The following CRIM1 variants were observed in gnomAD, a reference collection of about 807,000 sequenced individuals.
CRIM1 encodes the protein cysteine rich transmembrane BMP regulator 1.
In CRIM1, 32 loss-of-function variants were observed where a neutral mutation model predicts 116.4. The ratio of observed to expected loss-of-function variants is 0.27; its 90% CI spans 0.21 to 0.37. The LOEUF (loss-of-function observed/expected upper bound fraction) is 0.37. CRIM1 is among the 10% of genes least tolerant of loss of function. The probability of loss-of-function intolerance (pLI) is 1.00; values close to 1 mark genes in which losing one functional copy is unlikely to be tolerated. For missense variants in CRIM1, 1,331 were observed against 1,354.8 expected (o/e 0.98, Z 0.28); for synonymous variants, 590 against 509.2 (o/e 1.16, Z -2.13).
chr2:36,446,694 T>A (rs1366286418), intron 4 of CRIM1, among the ~76,000 whole-genome samples: 11 of 152,240 alleles, frequency 7.2e-5, no homozygotes, highest in Non-Finnish European at 1.5e-4. Context: ...TTTATCCTTT[T>A]TTCTTCTGTT....
rs1374492397 is a variant in CRIM1 at position 36,513,788 on chromosome 2, G to A, written c.1990+23G>A. ...CAGGTAAAAGCTGGCTGCCATCTGT[G>A]TGCTCCATAAGCAAATGACTTCTGC... On this transcript the variant is annotated intron_variant, in intron 11 of 16. Coordinates refer to ENST00000280527, the MANE Select transcript of CRIM1 (RefSeq NM_016441.3). 1.9e-6 allele frequency: 3 copies of A among 1,606,680 alleles called. No homozygotes were observed. The East Asian group carries it at 6.7e-5, about 36-fold the overall frequency.
intron 4 of CRIM1, among the ~76,000 whole-genome samples, chr2:36,451,367 A>G (rs1676710496): frequency 6.6e-6 from 1 of 152,200 alleles, no homozygotes; most frequent in African/African-American, 2.4e-5. Flanking sequence ...CTACCAAACA[A>G]TGAAAACCAA....
Position 36,428,222 on chromosome 2 carries a change from G to A in CRIM1, c.506-13036G>A, listed in dbSNP as rs115059780. 4.6e-3 allele frequency among the ~76,000 whole-genome samples: 706 copies of A among 152,284 alleles called. 8 individuals carry two copies. Among genetic ancestry groups the A allele is most frequent in the African/African-American group, 0.016 (648 of 41,556 alleles). On this transcript the variant is annotated intron_variant, in intron 2 of 16. Transcript: ENST00000280527. ...GACTTCCCAGGAGACTGGGCTTCTGGCCCTGCCTTGACATTCATAGGTAAA... is the reference window on the plus strand; with the variant it reads ...GACTTCCCAGGAGACTGGGCTTCTGACCCTGCCTTGACATTCATAGGTAAA...
Position 36,421,631 on chromosome 2 carries a change from T to C in CRIM1, c.506-19627T>C, listed in dbSNP as rs370061336. ...TAGAATGAAGTGTAGTCAGGCGTTA[T>C]CTCACATTGAGATTCTTAGGTGGGG... On this transcript the variant is annotated intron_variant, in intron 2 of 16. Coordinates refer to ENST00000280527, the MANE Select transcript of CRIM1 (RefSeq NM_016441.3). Among the ~76,000 whole-genome samples the C allele has an allele frequency of 1.6e-4, 25 of 152,366 alleles. No individual in the cohort carries two copies. In the East Asian group the frequency reaches 3.5e-3, roughly 21 times the overall value.
chr2:36,504,142 G>A (rs1681220730), intron 8 of CRIM1, among the ~76,000 whole-genome samples: 1 of 152,124 alleles, frequency 6.6e-6, no homozygotes, highest in South Asian at 2.1e-4. Flanking sequence ...CTAAAGTGCT[G>A]AGATTACAGG....
At chr2:36,533,768 A>C (rs1666281508) in intron 13 of CRIM1, among the ~76,000 whole-genome samples, 1 of 152,284 alleles carries the variant, frequency 6.6e-6, no homozygotes, top group East Asian at 1.9e-4. Flanking sequence ...GATCTTTGAT[A>C]TTTCTTCTGT....
intron 2 of CRIM1, among the ~76,000 whole-genome samples, chr2:36,422,364 G>C (rs1440805194): frequency 2.6e-5 from 4 of 152,122 alleles, no homozygotes; most frequent in Non-Finnish European, 5.9e-5. Context: ...TTAATAGAGT[G>C]TGTAGTTAAT....
intron 2 of CRIM1, among the ~76,000 whole-genome samples, chr2:36,425,562 C>G (rs953649905): frequency 1.3e-5 from 2 of 152,084 alleles, no homozygotes; most frequent in Admixed American, 6.6e-5. Context: ...TTTAATAATT[C>G]TTGCTTCACA....
chr2:36,476,137 T>C (rs1678956946), intron 5 of CRIM1, among the ~76,000 whole-genome samples: 2 of 152,134 alleles, frequency 1.3e-5, no homozygotes, highest in East Asian at 1.9e-4. Context: ...ATCATTGATA[T>C]CGTGATGAGA....
chr2:36,479,417 G>A (rs1679232892), intron 6 of CRIM1, 80 bp from the exon 7 acceptor site: 8 of 1,411,080 alleles, frequency 5.7e-6, no homozygotes, highest in Middle Eastern at 1.9e-4. Context: ...TAGAACCCAG[G>A]GAAAAAATGT....
intron 4 of CRIM1, among the ~76,000 whole-genome samples, chr2:36,453,971 C>G (rs776770240): frequency 2.6e-5 from 4 of 152,104 alleles, no homozygotes; most frequent in African/African-American, 7.2e-5. Context: ...CTTTATGATT[C>G]AAGAAAAAGG....
chr2:36,399,672 A>G (rs1672275805), intron 2 of CRIM1, among the ~76,000 whole-genome samples: 1 of 152,238 alleles, frequency 6.6e-6, no homozygotes, highest in Non-Finnish European at 1.5e-5. Context: ...ATACTACAGC[A>G]TGTTTGGATC....
chr2:36,526,632 A>G (rs1407346804), intron 13 of CRIM1, among the ~76,000 whole-genome samples: 1 of 152,102 alleles, frequency 6.6e-6, no homozygotes, highest in Admixed American at 6.5e-5. Context: ...CCCTGACCAC[A>G]TCAACCTTGC....
At chr2:36,513,314 A>G in intron 10 of CRIM1, 1 of 504,196 alleles carries the variant, frequency 2.0e-6, no homozygotes, top group Non-Finnish European at 3.6e-6. Flanking sequence ...GAAGGAATAA[A>G]AAATCAGCGA....
At chr2:36,476,735 T>C (rs1441682642) in intron 5 of CRIM1, among the ~76,000 whole-genome samples, 154 bp from the exon 6 acceptor site, 1 of 152,232 alleles carries the variant, frequency 6.6e-6, no homozygotes, top group Non-Finnish European at 1.5e-5. Context: ...TTCACTTTAT[T>C]GTTTTCTGTT....
chr2:36,481,683 A>T (rs1408795235), intron 7 of CRIM1, among the ~76,000 whole-genome samples: 1 of 152,176 alleles, frequency 6.6e-6, no homozygotes, highest in Non-Finnish European at 1.5e-5. Context: ...CATTTTGGAG[A>T]TGAAGACATT....
At chr2:36,365,622 T>C (rs758227746) in intron 1 of CRIM1, among the ~76,000 whole-genome samples, 9 of 152,194 alleles carry the variant, frequency 5.9e-5, no homozygotes, top group African/African-American at 1.2e-4. Flanking sequence ...CTTTGTGATA[T>C]AGTGCGGGGT....
intron 1 of CRIM1, among the ~76,000 whole-genome samples, chr2:36,363,453 C>T (rs1028795428): frequency 1.3e-5 from 2 of 148,370 alleles, no homozygotes; most frequent in African/African-American, 4.9e-5. Flanking sequence ...CTACCTCAGT[C>T]ATTGATGGTA....
At chr2:36,428,609 G>A (rs1331663452) in intron 2 of CRIM1, among the ~76,000 whole-genome samples, 1 of 152,160 alleles carries the variant, frequency 6.6e-6, no homozygotes, top group South Asian at 2.1e-4. Context: ...ACTTATTATA[G>A]TGTCTCTTAT....
Sources: allele counts gnomAD v4.1 joint callset (sites outside exome capture counted in the v4.1 genomes callset), GRCh38; gene constraint gnomAD v4.1.1; transcripts MANE v1.5; gene names NCBI Gene and HGNC (gene_info 2026-07-23, HGNC 2026-07-21).